Variants in SYNJ1 observed in about 807,000 individuals in gnomAD.
The protein encoded by SYNJ1 is polyphosphatidylinositol phosphatase SYNJ1.
SYNJ1 carries 78 observed loss-of-function variants against 168.2 expected under a neutral mutation model. The observed-to-expected ratio is 0.46, with a 90% CI of 0.39 to 0.56. The LOEUF (loss-of-function observed/expected upper bound fraction) is 0.56, where lower values mean the gene tolerates loss of function less well. Among genes scored for constraint, SYNJ1 ranks in the 20% least tolerant of loss-of-function variants. The pLI is 0.00. For synonymous variants in SYNJ1, 539 were observed against 548.6 expected (o/e 0.98, Z 0.24); for missense variants, 1,303 against 1,597.6 (o/e 0.82, Z 3.14).
intron 12 of SYNJ1, among the ~76,000 whole-genome samples, chr21:32,677,341 C>A (rs1849790089): frequency 6.6e-6 from 1 of 152,124 alleles, no homozygotes; most frequent in Admixed American, 6.5e-5. Context: ...TCAAACAGTT[C>A]CCTAATATAT....
intron 9 of SYNJ1, 23 bp from the exon 10 acceptor site, chr21:32,684,142 T>A: frequency 1.2e-6 from 2 of 1,608,482 alleles, no homozygotes; most frequent in Non-Finnish European, 8.5e-7. Flanking sequence ...AAGTTAAATA[T>A]CCAGTTTGGA....
At chr21:32,688,461 AAC>A (rs1247900434) in intron 6 of SYNJ1, 94 bp from the exon 7 acceptor site, 2 of 1,021,218 alleles carry the variant, frequency 2.0e-6, no homozygotes, top group Non-Finnish European at 2.9e-6. Flanking sequence ...TTCTTTGCTG[AAC>A]ACACAGTCGT....
intron 2 of SYNJ1, among the ~76,000 whole-genome samples, chr21:32,711,176 G>A (rs1759285907): frequency 6.6e-6 from 1 of 152,132 alleles, no homozygotes; most frequent in Non-Finnish European, 1.5e-5. Flanking sequence ...CTACTGGAAG[G>A]TGACAAAAAT....
rs1325911775 is a variant in SYNJ1 at position 32,629,909 on chromosome 21, C to T, written c.*1896G>A. On this transcript the variant is annotated 3_prime_UTR_variant, in exon 33 of 33. Coordinates refer to ENST00000674351, the MANE Select transcript of SYNJ1 (RefSeq NM_203446.3). ...GCATCATAGATGTGTTATGTAGCCT[C>T]GTAAGAGGGGGGAGAACACACACTG... The T allele has an allele frequency of 1.3e-5, 2 of 152,496 alleles. No homozygotes were observed. The highest frequency in any genetic ancestry group is 2.1e-4 in the South Asian group (1 of 4,836). 9.4% of individuals were successfully genotyped at this position (152,496 alleles called of 1,614,324 possible). A position where few individuals can be genotyped will look rare whatever the true frequency, so the allele number is the denominator to read the frequency against.
chr21:32,686,787 C>T (rs894974838), intron 8 of SYNJ1, among the ~76,000 whole-genome samples, 191 bp downstream of exon 8: 2 of 152,138 alleles, frequency 1.3e-5, no homozygotes, highest in African/African-American at 4.8e-5. Context: ...TTTTTAGAAT[C>T]CCAATTTCAG....
In SYNJ1 at chr21:32,639,071, G is replaced by C. The variant is rs773778531; in HGVS notation, c.3752C>G (p.Ser1251Cys). The C allele has an allele frequency of 1.2e-6, 2 of 1,614,104 alleles. No homozygotes were observed. The highest frequency in any genetic ancestry group is 1.1e-5 in the South Asian group (1 of 91,074). Residue 1251 changes from serine (S) to cysteine (C), a missense_variant, in exon 31 of 33, where the codon TCT (serine) becomes TGT (cysteine). Physicochemically the swap from Ser to Cys is moderately radical, Grantham distance 112 (BLOSUM62 -1). Around this residue, in one of 2 missense-constraint regions of SYNJ1, gnomAD observed 383 missense variants for 388.8 expected, o/e 0.99. Coordinates refer to ENST00000674351, the MANE Select transcript of SYNJ1 (RefSeq NM_203446.3). ...CCTTTGAGCAGGCGGGGGCAAAGAA[G>C]ACTGCGGAGGAAAAGCAGCCTGAGG... ...LKPQAAFPPQ[S>C]SLPPPAQRLQ...
intron 7 of SYNJ1, among the ~76,000 whole-genome samples, chr21:32,687,292 C>G (rs943670919): frequency 1.3e-5 from 2 of 152,190 alleles, no homozygotes; most frequent in African/African-American, 4.8e-5. Flanking sequence ...GACTTCCACC[C>G]CTGTTGGAGC....
chr21:32,714,858 A>C (rs974620895), intron 2 of SYNJ1, among the ~76,000 whole-genome samples: 8 of 152,168 alleles, frequency 5.3e-5, no homozygotes, highest in Admixed American at 3.3e-4. Flanking sequence ...GAATACACAA[A>C]CACTCAATCC....
At chr21:32,646,058 A>G (rs994456401) in intron 24 of SYNJ1, 4 of 729,130 alleles carry the variant, frequency 5.5e-6, no homozygotes, top group African/African-American at 5.1e-5. Flanking sequence ...TGATATGCAC[A>G]AAGTATTGTT....
intron 18 of SYNJ1, among the ~76,000 whole-genome samples, chr21:32,662,836 G>A (rs1383218247): frequency 6.6e-6 from 1 of 152,084 alleles, no homozygotes; most frequent in African/African-American, 2.4e-5. Context: ...CTGTACTAAG[G>A]GACAATGTAA....
chr21:32,651,296 T>G (rs145983773), intron 22 of SYNJ1, among the ~76,000 whole-genome samples: 310 of 152,390 alleles, frequency 2.0e-3, no homozygotes, highest in African/African-American at 7.1e-3. Context: ...ATCAATATGC[T>G]GTGCTGACAG....
chr21:32,692,298 C>T (rs756743731), intron 6 of SYNJ1, among the ~76,000 whole-genome samples: 8 of 152,246 alleles, frequency 5.3e-5, no homozygotes, highest in East Asian at 1.9e-4. Context: ...GATTCCTGGC[C>T]GGGCACGGTG....
chr21:32,670,927 A>G, intron 14 of SYNJ1: 1 of 576,528 alleles, frequency 1.7e-6, no homozygotes, highest in Non-Finnish European at 2.2e-6. Flanking sequence ...AACTACAAGG[A>G]CTAACGGAGA....
chr21:32,661,652 G>A (rs573197895), intron 18 of SYNJ1, among the ~76,000 whole-genome samples: 43 of 152,214 alleles, frequency 2.8e-4, no homozygotes, highest in African/African-American at 8.7e-4. Flanking sequence ...AAGGTGGAGC[G>A]AATGAATCAG....
In SYNJ1 at chr21:32,700,013, C is replaced by A; in HGVS notation, c.304G>T (p.Glu102Ter). 1 of 1,614,182 alleles carries A rather than the reference C, an allele frequency of 6.2e-7. No homozygotes were observed. The highest frequency in any genetic ancestry group is 8.5e-7 in the Non-Finnish European group (1 of 1,180,032). The stretch of plus-strand genomic sequence containing the variant: ...GAATCGATTCGCAGTGATATAAACT[C>A]AGTGGAAGTAACTCGGAAAACTTCA... ...ESEVFRVTST[E>*]FISLRIDSSD... The change falls in exon 4 of 33, where the codon GAG becomes TAG. Residue 102 changes from glutamate (E) to a stop codon, truncating the protein, a stop_gained. Coordinates refer to ENST00000674351, the MANE Select transcript of SYNJ1 (RefSeq NM_203446.3). LOFTEE classifies it high-confidence loss of function.
chr21:32,634,924 A>G (rs1245183816), intron 31 of SYNJ1, 40 bp from the exon 32 acceptor site: 4 of 1,611,848 alleles, frequency 2.5e-6, no homozygotes, highest in Admixed American at 3.3e-5. Flanking sequence ...AAGAGTTAGG[A>G]GGACAATCCG....
At position 32,700,077 on chromosome 21, in the gene SYNJ1, T is replaced by C; in HGVS notation, c.240A>G (p.Leu80=). ...TTCCAACAGACATACATCCAGTGAC[T>C]AGGACCAGATAATGTAACATAGTAT... The part of the protein sequence containing the change: ...LGDTMLHYLV[L]VTGCMSVGKI... Residue 80 remains leucine (L), a synonymous_variant, in exon 4 of 33, where the codon CTA becomes CTG. Transcript: ENST00000674351. The C allele has an allele frequency of 1.2e-6, 2 of 1,613,764 alleles. No homozygotes were observed. Among genetic ancestry groups the C allele is most frequent in the Non-Finnish European group, 1.7e-6 (2 of 1,179,868 alleles).
At chr21:32,681,721 A>G (rs2041631814) in intron 10 of SYNJ1, 73 bp from the exon 11 acceptor site, 2 of 1,410,644 alleles carry the variant, frequency 1.4e-6, no homozygotes, top group South Asian at 1.5e-5. Flanking sequence ...AAGAACTACC[A>G]GAATCAAACC....
At chr21:32,711,405 T>C (rs1431483399) in intron 2 of SYNJ1, among the ~76,000 whole-genome samples, 2 of 152,026 alleles carry the variant, frequency 1.3e-5, no homozygotes, top group African/African-American at 4.8e-5. Context: ...TGATCTTGGC[T>C]CACTGCAACC....
Sources: gnomAD v4.1 joint callset for allele counts (sites outside exome capture counted in the v4.1 genomes callset) on GRCh38, gnomAD v4.1.1 for gene constraint, gnomAD v4.1.1 regional missense constraint, MANE v1.5 for transcripts, NCBI Gene and HGNC (gene_info 2026-07-23, HGNC 2026-07-21) for gene names.